SNW1: variants seen among roughly 807,000 people sequenced by gnomAD.
SNW1 encodes the protein SNW domain-containing protein 1.
SNW1 carries 9 observed loss-of-function variants against 75.6 expected under a neutral mutation model. The ratio of observed to expected loss-of-function variants is 0.12; its 90% CI spans 0.07 to 0.21. The LOEUF is 0.21. SNW1 is among the 10% of genes least tolerant of loss of function. The pLI is 1.00. For missense variants in SNW1, 409 were observed against 670.9 expected, an observed-to-expected ratio of 0.61 and a Z score of 4.31; for synonymous variants, 200 against 219.1, an observed-to-expected ratio of 0.91 and a Z score of 0.77.
intron 1 of SNW1, 80 bp from the exon 2 acceptor site, chr14:77,755,200 C>T: frequency 1.6e-6 from 2 of 1,266,186 alleles, no homozygotes; most frequent in South Asian, 1.3e-5. Context: ...GCCACAGAGA[C>T]AATTTTTCCT....
chr14:77,717,903 A>T lies in SNW1; in HGVS notation c.*185T>A, dbSNP rs1338519879. On this transcript the variant is annotated 3_prime_UTR_variant, in exon 14 of 14. Coordinates refer to ENST00000261531, the MANE Select transcript of SNW1 (RefSeq NM_012245.3). ...GAAGCACAAACACAACCCACTCTTT[A>T]AAAAAAACTAAATAATTCAAAGTAG... The T allele has an allele frequency of 1.4e-5, 8 of 574,208 alleles. No individual in the cohort carries two copies. Among genetic ancestry groups the T allele is most frequent in the Admixed American group, 3.4e-5 (1 of 29,018 alleles). 35.6% of individuals were successfully genotyped at this position (574,208 alleles called of 1,614,324 possible).
At chr14:77,751,185 A>T in intron 3 of SNW1, 134 bp downstream of exon 3, 1 of 840,576 alleles carries the variant, frequency 1.2e-6, no homozygotes, top group South Asian at 1.8e-5. Flanking sequence ...GTAGCTGGGA[A>T]TATAGGTACG....
chr14:77,722,043 C>T (rs1017466079), intron 11 of SNW1, among the ~76,000 whole-genome samples: 1 of 152,122 alleles, frequency 6.6e-6, no homozygotes, highest in Non-Finnish European at 1.5e-5. Flanking sequence ...CCACTGTGCC[C>T]GGCCTCTTTT....
chr14:77,745,383 A>C (rs888582642), intron 3 of SNW1, among the ~76,000 whole-genome samples: 5 of 151,792 alleles, frequency 3.3e-5, no homozygotes, highest in Admixed American at 6.5e-5. Context: ...GTAGTTCCTC[A>C]TGGCAAATAT....
chr14:77,722,758 G>A, intron 11 of SNW1: 4 of 374,622 alleles, frequency 1.1e-5, no homozygotes, highest in South Asian at 6.1e-5. Context: ...AAGAAAGGGA[G>A]AGAAGCAAAA....
chr14:77,723,303 C>G, intron 10 of SNW1, 26 bp from the exon 11 acceptor site: 1 of 1,509,296 alleles, frequency 6.6e-7, no homozygotes, highest in Non-Finnish European at 9.2e-7. Flanking sequence ...AAAAGTACTT[C>G]ACTGTAATAT....
chr14:77,738,352 T>C (rs1658520478), intron 5 of SNW1, among the ~76,000 whole-genome samples: 1 of 152,010 alleles, frequency 6.6e-6, no homozygotes, highest in Admixed American at 6.6e-5. Context: ...CTCAAGTCTG[T>C]AATCTCAGCA....
chr14:77,734,814 A>T (rs963158046), intron 8 of SNW1, 133 bp downstream of exon 8: 13 of 664,932 alleles, frequency 2.0e-5, no homozygotes, highest in Non-Finnish European at 3.0e-5. Flanking sequence ...AAGTCACCAA[A>T]TTGGGCATTC....
chr14:77,753,692 C>CTGTA (rs1341795715), intron 2 of SNW1, among the ~76,000 whole-genome samples: 3 of 152,052 alleles, frequency 2.0e-5, no homozygotes, highest in African/African-American at 7.2e-5. Context: ...TGGCTCACAC[C>CTGTA]TGTAATCCCA....
At position 77,723,197 on chromosome 14, in the gene SNW1, C is replaced by T. The variant is rs1474992541; in HGVS notation, c.1114G>A (p.Ala372Thr). 2 of 1,613,722 alleles carry T rather than the reference C, an allele frequency of 1.2e-6. No individual in the cohort carries two copies. Among genetic ancestry groups the T allele is most frequent in the Non-Finnish European group, 1.7e-6 (2 of 1,179,866 alleles). ...ERQHDRNLSRAAPDKRSKLQR... is the reference protein window; with the variant it reads ...ERQHDRNLSRTAPDKRSKLQR... ...AACACCTACCTCTTATCAGGAGCTG[C>T]CCTGGAAAGATTCCGGTCATGCTGT... Residue 372 changes from alanine to threonine, a missense_variant, in exon 11 of 14, where the codon GCA (alanine) becomes ACA (threonine). Physicochemically the swap from Ala to Thr is moderately conservative, Grantham distance 58. This residue lies in a region of SNW1 where 126 missense variants were observed against 167.6 expected (regional missense o/e 0.75). Coordinates refer to ENST00000261531, the MANE Select transcript of SNW1 (RefSeq NM_012245.3).
chr14:77,726,644 C>G (rs946337527), intron 10 of SNW1, among the ~76,000 whole-genome samples: 1 of 152,096 alleles, frequency 6.6e-6, no homozygotes, highest in African/African-American at 2.4e-5. Flanking sequence ...GAAACCCCAT[C>G]TCTCCTAAAA....
At chr14:77,740,149 AAAAAAAAAAGAG>A (rs1481503589) in intron 3 of SNW1, among the ~76,000 whole-genome samples, 1 of 90,868 alleles carries the variant, frequency 1.1e-5, no homozygotes, top group African/African-American at 4.6e-5. Flanking sequence ...AAAAAAAAAA[AAAAAAAAAAGAG>A]AGAGATACAG....
At chr14:77,723,890 C>T (rs532933382) in intron 10 of SNW1, among the ~76,000 whole-genome samples, 7 of 152,258 alleles carry the variant, frequency 4.6e-5, no homozygotes, top group South Asian at 2.1e-4. Context: ...AGTGATCTGC[C>T]GCACCCAGCC....
At chr14:77,740,988 A>G (rs1336585463) in intron 3 of SNW1, among the ~76,000 whole-genome samples, 1 of 151,044 alleles carries the variant, frequency 6.6e-6, no homozygotes, top group Non-Finnish European at 1.5e-5. Context: ...TCTCAGCTAC[A>G]TGAGACGCTG....
chr14:77,721,047 A>C, intron 11 of SNW1: 1 of 521,986 alleles, frequency 1.9e-6, no homozygotes. Context: ...CTGTTAGCTC[A>C]AAAGAACATC....
intron 3 of SNW1, among the ~76,000 whole-genome samples, chr14:77,747,191 T>C (rs536790402): frequency 1.3e-5 from 2 of 152,298 alleles, no homozygotes; most frequent in East Asian, 1.9e-4. Context: ...GGTGCCGGGA[T>C]TGCAGACGGA....
intron 5 of SNW1, 143 bp from the exon 6 acceptor site, chr14:77,737,218 A>G (rs780146609): frequency 1.8e-5 from 11 of 597,056 alleles, no homozygotes; most frequent in Admixed American, 1.4e-4. Context: ...TATTTAGACA[A>G]AGCAGACAGC....
chr14:77,718,130 G>C lies in SNW1; in HGVS notation c.1569C>G (p.Pro523=). 6.2e-7 allele frequency: 1 copy of C among 1,607,910 alleles called. No homozygotes were observed. Among genetic ancestry groups the C allele is most frequent in the Non-Finnish European group, 8.5e-7 (1 of 1,177,482 alleles). ...GSKRPSDSSR[P]KEHEHEGKKR... ...TCTTGCCTTCATGCTCGTGTTCCTT[G>C]GGGCGGCTGCTATCTGAGGGTCTTT... is the stretch of plus-strand genomic sequence containing the variant. Residue 523 remains proline, a synonymous_variant, in exon 14 of 14, where the codon CCC becomes CCG. Coordinates refer to ENST00000261531, the MANE Select transcript of SNW1 (RefSeq NM_012245.3).
intron 5 of SNW1, among the ~76,000 whole-genome samples, 158 bp from the exon 6 acceptor site, chr14:77,737,233 G>T (rs1251494751): frequency 6.6e-6 from 1 of 152,166 alleles, no homozygotes; most frequent in African/African-American, 2.4e-5. Context: ...GACAGCAAGA[G>T]GGATAAAAGA....
Sources: gnomAD v4.1 joint callset for allele counts (sites outside exome capture counted in the v4.1 genomes callset) on GRCh38, gnomAD v4.1.1 for gene constraint, gnomAD v4.1.1 regional missense constraint, MANE v1.5 for transcripts, NCBI Gene and HGNC (gene_info 2026-07-23, HGNC 2026-07-21) for gene names.